Variants in CEP295 observed in about 807,000 individuals in gnomAD.
CEP295 encodes the protein centrosomal protein of 295 kDa.
A neutral mutation model predicts 291.6 loss-of-function variants in CEP295; 190 were observed. That is an observed-to-expected ratio of 0.65 (90% confidence interval 0.58 to 0.73). The LOEUF (loss-of-function observed/expected upper bound fraction) is 0.73. CEP295 is among the 30% of genes least tolerant of loss of function. The pLI, the probability that CEP295 is intolerant of heterozygous loss-of-function variation, is 0.00. For missense variants in CEP295, 2,863 were observed against 2,949.4 expected (o/e 0.97, Z 0.68); for synonymous variants, 993 against 1,038.8 (o/e 0.96, Z 0.85).
rs745459571 is a variant in CEP295, at chr11:93,730,242, G to GAAACTTCGAGCC, written c.7783_7794dup (p.Leu2595_Lys2598dup). 1 of 1,550,990 alleles carries GAAACTTCGAGCC rather than the reference G, an allele frequency of 6.4e-7. No homozygotes were observed. The highest frequency in any genetic ancestry group is 8.7e-7 in the Non-Finnish European group (1 of 1,146,750). ...TATTCCTTCCACAGAAAACACTAGA[G>GAAACTTCGAGCC]AAACTTCGAGCCAAAAATACATGCT... On this transcript the variant is annotated inframe_insertion, in exon 30 of 30. Coordinates refer to ENST00000325212, the MANE Select transcript of CEP295 (RefSeq NM_033395.2).
rs760135531 is a variant in CEP295 at position 93,699,106 on chromosome 11, C to T, written c.4194C>T (p.Pro1398=). 19 of 1,548,726 alleles carry T rather than the reference C, an allele frequency of 1.2e-5. No homozygotes were observed. The African/African-American group carries it at 2.1e-4, about 17-fold the overall frequency. ...SPEQVDTSSL[P]LVPQHSFASL... ...AGCAGGTTGACACCTCTTCCTTACC[C>T]CTAGTACCACAGCATTCATTCGCCT... The change falls in exon 15 of 30, where the codon CCC becomes CCT. Residue 1398 remains proline, a synonymous_variant. Transcript: ENST00000325212.
At chr11:93,709,755 T>C (rs1196870603) in intron 18 of CEP295, among the ~76,000 whole-genome samples, 2 of 152,162 alleles carry the variant, frequency 1.3e-5, no homozygotes, top group East Asian at 3.9e-4. Flanking sequence ...TTAATAATGT[T>C]GAGATTCTTC....
Position 93,702,842 on chromosome 11 carries a change from G to T in CEP295, c.5519G>T (p.Gly1840Val), listed in dbSNP as rs1195123727. ...SKPPVAKVKCGLDLNQHELSA... is the reference protein window; with the variant it reads ...SKPPVAKVKCVLDLNQHELSA... ...CCACCTGTAGCAAAAGTCAAATGTGGTTTGGACTTAAACCAGCATGAACTT... is the reference window on the plus strand; with the variant it reads ...CCACCTGTAGCAAAAGTCAAATGTGTTTTGGACTTAAACCAGCATGAACTT... The change falls in exon 17 of 30, where the codon GGT becomes GTT. Residue 1840 changes from glycine to valine, a missense_variant. By Grantham distance (109) the Gly-to-Val change is moderately radical (BLOSUM62 -3). Coordinates refer to ENST00000325212, the MANE Select transcript of CEP295 (RefSeq NM_033395.2). 5.8e-6 allele frequency: 9 copies of T among 1,551,830 alleles called. No homozygotes were observed. The South Asian group carries it at 1.1e-4, about 18-fold the overall frequency.
intron 20 of CEP295, chr11:93,722,520 A>C (rs1296969999): frequency 6.2e-6 from 1 of 160,784 alleles, no homozygotes; most frequent in African/African-American, 2.4e-5. Flanking sequence ...ATGGTATTCT[A>C]AATATTACTG....
chr11:93,695,125 A>T lies in CEP295; in HGVS notation c.1534-372A>T, dbSNP rs77099499. 4.8e-3 allele frequency among the ~76,000 whole-genome samples: 728 copies of T among 152,314 alleles called. 6 individuals are homozygous for T. Among genetic ancestry groups the T allele is most frequent in the African/African-American group, 0.016 (650 of 41,568 alleles). On this transcript the variant is annotated intron_variant, in intron 12 of 29. Transcript: ENST00000325212. ...GGAGGCCTTGATATTTAATTTCTTT[A>T]GTCATTATTTATACTATTAAATGTG... is the stretch of plus-strand genomic sequence containing the variant.
chr11:93,674,233 G>C (rs1950581595), intron 5 of CEP295, among the ~76,000 whole-genome samples: 1 of 152,200 alleles, frequency 6.6e-6, no homozygotes, highest in South Asian at 2.1e-4. Flanking sequence ...AAAGTGCTGA[G>C]ATTACAGGCA....
chr11:93,695,693 A>G (rs942061616), intron 13 of CEP295, 59 bp downstream of exon 13: 26 of 1,467,980 alleles, frequency 1.8e-5, no homozygotes, highest in African/African-American at 2.9e-5. Flanking sequence ...GCAAGAAAAT[A>G]TGAGCACTTG....
intron 24 of CEP295, chr11:93,728,416 T>C: frequency 6.9e-6 from 2 of 291,046 alleles, no homozygotes; most frequent in Non-Finnish European, 1.3e-5. Context: ...TTTAGGTTTG[T>C]AATCATTGTG....
chr11:93,663,333 C>T (rs1247905165), intron 1 of CEP295, among the ~76,000 whole-genome samples: 1 of 152,196 alleles, frequency 6.6e-6, no homozygotes, highest in Non-Finnish European at 1.5e-5. Flanking sequence ...AAGTCTGAGG[C>T]GCTTGTAACT....
intron 1 of CEP295, 63 bp from the exon 2 acceptor site, chr11:93,666,619 A>G: frequency 1.5e-6 from 1 of 664,382 alleles, no homozygotes; most frequent in South Asian, 2.2e-5. Flanking sequence ...AAATTATTCT[A>G]ATCTTTGCTG....
intron 4 of CEP295, 82 bp from the exon 5 acceptor site, chr11:93,669,595 C>A: frequency 1.2e-6 from 1 of 866,130 alleles, no homozygotes; most frequent in Non-Finnish European, 1.8e-6. Context: ...TTTCTTGAGC[C>A]TATGACTTAC....
chr11:93,727,366 G>T lies in CEP295; in HGVS notation c.6890G>T (p.Gly2297Val). Residue 2297 changes from glycine (G) to valine (V), a missense_variant, in exon 24 of 30, where the codon GGA becomes GTA. Gly to Val is a moderately radical substitution (Grantham distance 109). Coordinates refer to ENST00000325212, the MANE Select transcript of CEP295 (RefSeq NM_033395.2). Reference sequence around the variant, plus strand: ...GTTGTTACAATGTTACAAAGTCAAGGACTCATTGAAGATAATAAAAATGAA... The same window carrying T: ...GTTGTTACAATGTTACAAAGTCAAGTACTCATTGAAGATAATAAAAATGAA... ...RGVVTMLQSQ[G>V]LIEDNKNETC... The T allele has an allele frequency of 1.9e-6, 3 of 1,551,454 alleles. No homozygotes were observed. Among genetic ancestry groups the T allele is most frequent in the Non-Finnish European group, 2.6e-6 (3 of 1,146,930 alleles).
intron 23 of CEP295, among the ~76,000 whole-genome samples, chr11:93,726,461 A>G (rs1954148811): frequency 6.6e-6 from 1 of 152,204 alleles, no homozygotes; most frequent in Middle Eastern, 3.2e-3. Context: ...TAGGCCAAGT[A>G]TAGTGGCTCA....
Position 93,730,283 on chromosome 11 carries a change from G to C in CEP295, c.*14G>C. The C allele has an allele frequency of 6.6e-7, 1 of 1,524,452 alleles. No individual in the cohort carries two copies. The highest frequency in any genetic ancestry group is 8.9e-7 in the Non-Finnish European group (1 of 1,123,480). The allele number at this position is 1,524,452 out of a possible 1,614,324, so 94.4% of individuals were successfully genotyped here. On this transcript the variant is annotated 3_prime_UTR_variant, in exon 30 of 30. Coordinates refer to ENST00000325212, the MANE Select transcript of CEP295 (RefSeq NM_033395.2). ...AATACATGCTGACTTTCTAGAAATA[G>C]TGTAAAGGTTTTTTAATTGTGTATA...
Position 93,675,556 on chromosome 11 carries a change from T to C in CEP295, c.529-15T>C, listed in dbSNP as rs761983861. 48 of 1,354,662 alleles carry C rather than the reference T, an allele frequency of 3.5e-5. No individual in the cohort carries two copies. The Middle Eastern group carries it at 1.3e-3, about 36-fold the overall frequency. The allele number at this position is 1,354,662 out of a possible 1,614,324, so 83.9% of individuals were successfully genotyped here. On this transcript the variant is annotated splice_polypyrimidine_tract_variant and intron_variant, in intron 5 of 29. Transcript: ENST00000325212. ...TTAATGCTTTTAACCTATTTTTTTA[T>C]GTTCTCTTTTCCAGAACATCGAAGT...
intron 18 of CEP295, among the ~76,000 whole-genome samples, chr11:93,711,735 G>T (rs534403000): frequency 6.6e-6 from 1 of 151,592 alleles, no homozygotes; most frequent in East Asian, 1.9e-4. Context: ...ACTCCTGACC[G>T]CCCAGGAACA....
Position 93,729,876 on chromosome 11 carries a change from C to T in CEP295, c.7574C>T (p.Ser2525Phe), listed in dbSNP as rs940859474. ...TTCACTTTTCTTTCCTCAGGTTCAT[C>T]TGTGAGTCGTCTAAAGGGCGTGAAT... ...TVKEKPSISS[S>F]VSRLKGVNKV... is the part of the protein sequence containing the mutation. The change falls in exon 28 of 30, where the codon TCT (serine) becomes TTT (phenylalanine). Residue 2525 changes from serine (S) to phenylalanine (F), a missense_variant. Coordinates refer to ENST00000325212, the MANE Select transcript of CEP295 (RefSeq NM_033395.2). The T allele has an allele frequency of 1.3e-6, 2 of 1,546,738 alleles. No homozygotes were observed. Among genetic ancestry groups the T allele is most frequent in the African/African-American group, 1.4e-5 (1 of 72,520 alleles).
At chr11:93,679,610 G>A in intron 7 of CEP295, 58 bp downstream of exon 7, 5 of 1,385,910 alleles carry the variant, frequency 3.6e-6, no homozygotes, top group Non-Finnish European at 4.9e-6. Context: ...AGCATTGCAG[G>A]ACTGATTAGT....
At chr11:93,665,103 G>T (rs1304273228) in intron 1 of CEP295, among the ~76,000 whole-genome samples, 1 of 152,136 alleles carries the variant, frequency 6.6e-6, no homozygotes, top group Non-Finnish European at 1.5e-5. Flanking sequence ...GAGGAAGGAG[G>T]GCTTAAGCCA....
Sources: allele counts gnomAD v4.1 joint callset (sites outside exome capture counted in the v4.1 genomes callset), GRCh38; gene constraint gnomAD v4.1.1; transcripts MANE v1.5; gene names NCBI Gene and HGNC (gene_info 2026-07-23, HGNC 2026-07-21).